Variants in CNST observed in about 807,000 individuals in gnomAD.
The protein encoded by CNST is consortin.
A neutral mutation model predicts 72.4 loss-of-function variants in CNST; 39 were observed. That is an observed-to-expected ratio of 0.54 (90% CI 0.42 to 0.70). The LOEUF is 0.70. Ranked by LOEUF, CNST falls within the 30% of genes least tolerant of loss-of-function variation. The pLI is 0.00. For missense variants in CNST, 871 were observed against 868.5 expected, an observed-to-expected ratio of 1.00 and a Z score of -0.04; for synonymous variants, 332 against 320.1, an observed-to-expected ratio of 1.04 and a Z score of -0.40.
At chr1:246,582,454 T>A (rs1660857787) in intron 1 of CNST, among the ~76,000 whole-genome samples, 1 of 151,240 alleles carries the variant, frequency 6.6e-6, no homozygotes, top group African/African-American at 2.5e-5. Flanking sequence ...GTTCAAGTGA[T>A]TTTCCTGCCT....
rs573346895 is a variant in CNST at position 246,579,440 on chromosome 1, A to C, written c.-51-12072A>C. Among the ~76,000 whole-genome samples the C allele has an allele frequency of 4.6e-5, 7 of 152,346 alleles. No homozygotes were observed. The South Asian group carries it at 1.2e-3, about 27-fold the overall frequency. ...ATGTGATTATTGAACTCTTAGTGCTATGCATCTTGCTATCACTAGAAAATT... is the reference window on the plus strand; with the variant it reads ...ATGTGATTATTGAACTCTTAGTGCTCTGCATCTTGCTATCACTAGAAAATT... On this transcript the variant is annotated intron_variant, in intron 1 of 10. Coordinates refer to ENST00000366513, the MANE Select transcript of CNST (RefSeq NM_152609.3).
intron 1 of CNST, among the ~76,000 whole-genome samples, chr1:246,581,350 G>A (rs1246685710): frequency 6.6e-6 from 1 of 151,928 alleles, no homozygotes; most frequent in African/African-American, 2.4e-5. Context: ...ACTGCAACCT[G>A]TCTCCCGGGT....
In CNST at chr1:246,647,845, G is replaced by A. The variant is rs763609357; in HGVS notation, c.1644G>A (p.Leu548=). 20 of 1,614,026 alleles carry A rather than the reference G, an allele frequency of 1.2e-5. No homozygotes were observed. The highest frequency in any genetic ancestry group is 1.1e-5 in the Non-Finnish European group (13 of 1,180,048). The change falls in exon 9 of 11, where the codon TTG becomes TTA. Residue 548 remains leucine (L), a synonymous_variant. Coordinates refer to ENST00000366513, the MANE Select transcript of CNST (RefSeq NM_152609.3). Reference sequence around the variant, plus strand: ...TCAACAAAGAAACAGAAGACTATTTGAACAGCCTTTTAGAAGGATGTTTAA... The same window carrying A: ...TCAACAAAGAAACAGAAGACTATTTAAACAGCCTTTTAGAAGGATGTTTAA... ...DQLNKETEDY[L]NSLLEGCLKD... is the part of the protein sequence containing the mutation.
chr1:246,626,433 C>A (rs1664438378), intron 3 of CNST, among the ~76,000 whole-genome samples: 1 of 146,320 alleles, frequency 6.8e-6, no homozygotes, highest in Non-Finnish European at 1.5e-5. Context: ...TGTTTTCATC[C>A]AATCCTGTAG....
intron 2 of CNST, among the ~76,000 whole-genome samples, chr1:246,595,481 T>C (rs558831353): frequency 6.6e-6 from 1 of 152,224 alleles, no homozygotes; most frequent in African/African-American, 2.4e-5. Flanking sequence ...CCCATCTTGC[T>C]TCCATCCTCC....
intron 1 of CNST, among the ~76,000 whole-genome samples, chr1:246,585,384 C>T (rs1415928737): frequency 6.6e-6 from 1 of 152,084 alleles, no homozygotes; most frequent in Non-Finnish European, 1.5e-5. Context: ...TGCTGGCTCA[C>T]ATCTGTAATC....
At chr1:246,657,156 G>A (rs1347488856) in intron 9 of CNST, among the ~76,000 whole-genome samples, 1 of 152,120 alleles carries the variant, frequency 6.6e-6, no homozygotes, top group Non-Finnish European at 1.5e-5. Context: ...CTGCCCTGAA[G>A]TGGTAAGAAA....
At chr1:246,592,444 C>T (rs1661603830) in intron 2 of CNST, among the ~76,000 whole-genome samples, 1 of 152,134 alleles carries the variant, frequency 6.6e-6, no homozygotes, top group East Asian at 1.9e-4. Flanking sequence ...GCCAAGATCA[C>T]GCCACTGTAC....
At chr1:246,600,736 G>A (rs1662229710) in intron 2 of CNST, among the ~76,000 whole-genome samples, 1 of 152,086 alleles carries the variant, frequency 6.6e-6, no homozygotes, top group Non-Finnish European at 1.5e-5. Flanking sequence ...TGTGCTTTTG[G>A]GTCAGGTGTC....
intron 6 of CNST, among the ~76,000 whole-genome samples, chr1:246,635,236 C>T (rs980890889): frequency 2.0e-5 from 3 of 151,764 alleles, no homozygotes; most frequent in Non-Finnish European, 4.4e-5. Context: ...TTGGCGTATT[C>T]TTGAGAGTCG....
chr1:246,580,101 C>A (rs368170733), intron 1 of CNST, among the ~76,000 whole-genome samples: 1 of 152,208 alleles, frequency 6.6e-6, no homozygotes, highest in African/African-American at 2.4e-5. Flanking sequence ...TTACGAATGA[C>A]GGGGCTTATC....
At chr1:246,662,489 A>G (rs1048581384) in intron 10 of CNST, among the ~76,000 whole-genome samples, 2 of 152,176 alleles carry the variant, frequency 1.3e-5, no homozygotes, top group Admixed American at 1.3e-4. Context: ...CCCGAGTTCA[A>G]GCGATTCTTC....
At chr1:246,576,389 G>C (rs1252672931) in intron 1 of CNST, among the ~76,000 whole-genome samples, 1 of 148,984 alleles carries the variant, frequency 6.7e-6, no homozygotes, top group Non-Finnish European at 1.5e-5. Context: ...ATCGTGTTCA[G>C]TGACTATTAT....
At chr1:246,658,465 C>T (rs1666885754) in intron 9 of CNST, among the ~76,000 whole-genome samples, 1 of 150,372 alleles carries the variant, frequency 6.7e-6, no homozygotes, top group Non-Finnish European at 1.5e-5. Flanking sequence ...ATATTGTTGG[C>T]TTGTTGATTT....
At chr1:246,648,712 T>C (rs1324653572) in intron 9 of CNST, among the ~76,000 whole-genome samples, 2 of 152,198 alleles carry the variant, frequency 1.3e-5, no homozygotes, top group Non-Finnish European at 2.9e-5. Flanking sequence ...TCCCACCAGG[T>C]AGTTAACAGC....
intron 1 of CNST, among the ~76,000 whole-genome samples, chr1:246,582,977 T>C (rs1660897135): frequency 6.6e-6 from 1 of 152,214 alleles, no homozygotes; most frequent in African/African-American, 2.4e-5. Context: ...CGCAGGGACC[T>C]CCCTGACCCT....
intron 10 of CNST, among the ~76,000 whole-genome samples, chr1:246,661,735 T>G (rs944576982): frequency 2.6e-5 from 4 of 152,188 alleles, no homozygotes; most frequent in African/African-American, 9.7e-5. Context: ...CTCATATTCA[T>G]AAAACAACTG....
chr1:246,609,444 G>C (rs1211675792), intron 2 of CNST, among the ~76,000 whole-genome samples: 6 of 152,236 alleles, frequency 3.9e-5, no homozygotes, highest in African/African-American at 1.4e-4. Context: ...GGGCATGGTG[G>C]TGGGCGCCTG....
chr1:246,577,293 C>T (rs939503894), intron 1 of CNST, among the ~76,000 whole-genome samples: 31 of 152,022 alleles, frequency 2.0e-4, no homozygotes, highest in African/African-American at 7.5e-4. Flanking sequence ...GTCCTCCATA[C>T]CGCCCCACCA....
Sources: gnomAD v4.1 joint callset for allele counts (sites outside exome capture counted in the v4.1 genomes callset) on GRCh38, gnomAD v4.1.1 for gene constraint, MANE v1.5 for transcripts, NCBI Gene and HGNC (gene_info 2026-07-23, HGNC 2026-07-21) for gene names.